The following FAM13A variants were observed in gnomAD, a reference collection of about 807,000 sequenced individuals.
FAM13A encodes the protein family with sequence similarity 13 member A.
In FAM13A, 76 loss-of-function variants were observed where a neutral mutation model predicts 129.6. The observed-to-expected ratio is 0.59, with a 90% CI of 0.49 to 0.71. The LOEUF is 0.71. Ranked by LOEUF, FAM13A falls within the 30% of genes least tolerant of loss-of-function variation. FAM13A has a pLI of 0.00. For synonymous variants in FAM13A, 443 were observed against 449.9 expected, an observed-to-expected ratio of 0.98 and a Z score of 0.20; for missense variants, 1,108 against 1,249.3, an observed-to-expected ratio of 0.89 and a Z score of 1.70.
At position 88,998,886 on chromosome 4, in the gene FAM13A, ATC is replaced by A. The variant is rs142107469; in HGVS notation, c.428-7738_428-7737del. On this transcript the variant is annotated intron_variant, in intron 3 of 23. Transcript: ENST00000264344. ...AAAGGAGGGATTATGTTTCTTACAA[ATC>A]TCTTACAACCTCATGACCATGATAT... Among the ~76,000 whole-genome samples the A allele has an allele frequency of 6.5e-3, 992 of 152,226 alleles. 17 individuals are homozygous for A. The highest frequency in any genetic ancestry group is 0.023 in the African/African-American group (948 of 41,546).
intron 7 of FAM13A, 131 bp from the exon 8 acceptor site, chr4:88,805,183 A>G: frequency 1.6e-6 from 1 of 620,560 alleles, no homozygotes; most frequent in Admixed American, 2.9e-5. Flanking sequence ...GAATAAGGTT[A>G]GTAAAACATG....
Position 88,926,277 on chromosome 4 carries a change from G to A in FAM13A, c.759+11811C>T, listed in dbSNP as rs1752145518. ...TTCTAGGCACTTCCAGCCCACAGAA[G>A]TATAACTTTCATCCTGAGGAGATCA... On this transcript the variant is annotated intron_variant, in intron 5 of 23. Transcript: ENST00000264344. Among the ~76,000 whole-genome samples, 5 of 152,230 alleles carry A rather than the reference G, an allele frequency of 3.3e-5. No individual in the cohort carries two copies. In the South Asian group the frequency reaches 6.2e-4, roughly 19 times the overall value.
chr4:88,800,696 C>CAAAAAAAAAAAAAAA (rs1185321303), intron 8 of FAM13A, among the ~76,000 whole-genome samples: 2 of 54,098 alleles, frequency 3.7e-5, no homozygotes. Context: ...GAAACAAAAA[C>CAAAAAAAAAAAAAAA]AAAAAAAAAA....
intron 5 of FAM13A, among the ~76,000 whole-genome samples, chr4:88,920,695 G>A (rs1377072031): frequency 1.3e-5 from 2 of 152,202 alleles, no homozygotes; most frequent in East Asian, 3.8e-4. Context: ...AACAAAGCTG[G>A]ACGGAGAACA....
intron 19 of FAM13A, among the ~76,000 whole-genome samples, chr4:88,744,427 A>T (rs1371545470): frequency 6.6e-6 from 1 of 152,106 alleles, no homozygotes; most frequent in Non-Finnish European, 1.5e-5. Flanking sequence ...TATATGTGTA[A>T]CTCTGCAGAG....
At chr4:88,932,627 T>C (rs1753218701) in intron 5 of FAM13A, among the ~76,000 whole-genome samples, 1 of 152,184 alleles carries the variant, frequency 6.6e-6, no homozygotes, top group Admixed American at 6.5e-5. Flanking sequence ...TTTTTGAGCA[T>C]GAAAAAGATA....
chr4:88,838,893 C>A lies in FAM13A; in HGVS notation c.1007+12127G>T, dbSNP rs79254354. 2.0e-5 allele frequency among the ~76,000 whole-genome samples: 3 copies of A among 152,074 alleles called. No individual in the cohort carries two copies. In the East Asian group the frequency reaches 5.8e-4, roughly 29 times the overall value. The stretch of plus-strand genomic sequence containing the variant: ...CTCCTTATAGTTGCAGATTAAATTT[C>A]TCTGATTATTAGTGAGATTACACTT... On this transcript the variant is annotated intron_variant, in intron 7 of 23. Coordinates refer to ENST00000264344, the MANE Select transcript of FAM13A (RefSeq NM_014883.4).
At chr4:89,050,937 A>G (rs757006771) in intron 1 of FAM13A, among the ~76,000 whole-genome samples, 14 of 152,186 alleles carry the variant, frequency 9.2e-5, no homozygotes, top group Non-Finnish European at 1.8e-4. Flanking sequence ...TCCAAAAAAA[A>G]AGAACTACAA....
chr4:88,794,232 GCAGATCC>G (rs942784993), intron 8 of FAM13A, among the ~76,000 whole-genome samples: 4 of 151,892 alleles, frequency 2.6e-5, no homozygotes, highest in Admixed American at 1.3e-4. Context: ...TCACTCATAT[GCAGATCC>G]CAGTTCTATG....
intron 19 of FAM13A, among the ~76,000 whole-genome samples, chr4:88,744,819 G>A (rs1168224477): frequency 6.6e-6 from 1 of 151,982 alleles, no homozygotes; most frequent in Non-Finnish European, 1.5e-5. Flanking sequence ...ATAGAGAGAG[G>A]CAGAGAGTTT....
At position 88,806,798 on chromosome 4, in the gene FAM13A, A is replaced by G. The variant is rs897962864; in HGVS notation, c.1008-1746T>C. 1.1e-4 allele frequency among the ~76,000 whole-genome samples: 16 copies of G among 152,214 alleles called. No individual in the cohort carries two copies. The East Asian group carries it at 3.1e-3, about 29-fold the overall frequency. ...ACACCTGGGAAATGTCCAGGTGTCCAGGAAGAAACCACCTGAAACAGCGCT... is the reference window on the plus strand; with the variant it reads ...ACACCTGGGAAATGTCCAGGTGTCCGGGAAGAAACCACCTGAAACAGCGCT... On this transcript the variant is annotated intron_variant, in intron 7 of 23. Coordinates refer to ENST00000264344, the MANE Select transcript of FAM13A (RefSeq NM_014883.4).
chr4:89,034,141 G>C (rs186409082), intron 1 of FAM13A, among the ~76,000 whole-genome samples: 61 of 152,238 alleles, frequency 4.0e-4, no homozygotes, highest in African/African-American at 1.4e-3. Flanking sequence ...AGAGTAAACA[G>C]ACAGCCTACA....
At chr4:88,889,267 G>T (rs1744962188) in intron 6 of FAM13A, among the ~76,000 whole-genome samples, 1 of 152,140 alleles carries the variant, frequency 6.6e-6, no homozygotes, top group Non-Finnish European at 1.5e-5. Flanking sequence ...GTGTGGTTAT[G>T]CTGTCTGATT....
intron 7 of FAM13A, among the ~76,000 whole-genome samples, chr4:88,828,393 C>T (rs1225974837): frequency 6.6e-6 from 1 of 152,130 alleles, no homozygotes; most frequent in African/African-American, 2.4e-5. Context: ...TCACCTTGGC[C>T]TCTCAAAGTG....
At chr4:88,856,511 CAAAAAACCAAAAAACCCCA>C (rs1313863481) in intron 6 of FAM13A, among the ~76,000 whole-genome samples, 2 of 151,850 alleles carry the variant, frequency 1.3e-5, no homozygotes, top group African/African-American at 2.4e-5. Flanking sequence ...AACAAATAAA[CAAAAAACCAAAAAACCCCA>C]AAAAAACCAA....
intron 3 of FAM13A, among the ~76,000 whole-genome samples, chr4:89,004,454 A>C (rs890509460): frequency 1.3e-5 from 2 of 152,128 alleles, no homozygotes; most frequent in African/African-American, 4.8e-5. Context: ...TGTGTTATCA[A>C]CTTAGCCAAC....
intron 6 of FAM13A, among the ~76,000 whole-genome samples, chr4:88,899,107 CACAT>C (rs984860404): frequency 4.1e-5 from 6 of 145,090 alleles, no homozygotes; most frequent in Admixed American, 3.4e-4. Context: ...TATACACACA[CACAT>C]ACATATATAT....
At chr4:88,823,352 G>C in intron 7 of FAM13A, 1 of 1,063,196 alleles carries the variant, frequency 9.4e-7, no homozygotes, top group Non-Finnish European at 1.1e-6. Flanking sequence ...TACTCCTTCT[G>C]CTCCTCAATG....
intron 1 of FAM13A, among the ~76,000 whole-genome samples, chr4:89,052,714 C>G (rs1771768076): frequency 6.6e-6 from 1 of 151,816 alleles, no homozygotes; most frequent in Non-Finnish European, 1.5e-5. Flanking sequence ...TTTAGTGTTC[C>G]CCACCTAGAA....
Sources: gnomAD v4.1 joint callset for allele counts (sites outside exome capture counted in the v4.1 genomes callset) on GRCh38, gnomAD v4.1.1 for gene constraint, MANE v1.5 for transcripts, NCBI Gene and HGNC (gene_info 2026-07-23, HGNC 2026-07-21) for gene names.